KLF8: variants seen among roughly 807,000 people sequenced by gnomAD.
The protein encoded by KLF8 is Krueppel-like factor 8.
In KLF8, 10 loss-of-function variants were observed where a neutral mutation model predicts 18.2. The observed-to-expected ratio is 0.55, with a 90% CI of 0.34 to 0.93. The LOEUF is 0.93. Ranked by LOEUF, KLF8 falls within the 40% of genes least tolerant of loss-of-function variation. The pLI is 0.02. For synonymous variants in KLF8, 109 were observed against 97.3 expected (o/e 1.12, Z -0.71); for missense variants, 264 against 277.9 (o/e 0.95, Z 0.36).
At chrX:56,159,529 G>C in the KLF8 span, among the ~76,000 whole-genome samples, 3 of 110,168 alleles carry the variant, frequency 2.7e-5, no homozygotes, top group Non-Finnish European at 5.7e-5. Context: ...GACTTTTTTT[G>C]GTTGGTAAGC....
chrX:56,009,693 C>G, the KLF8 span, among the ~76,000 whole-genome samples: 2 of 111,289 alleles, frequency 1.8e-5, no homozygotes, highest in Non-Finnish European at 3.8e-5. Flanking sequence ...TAACCCAATG[C>G]CAAGAATCAA....
At chrX:56,050,152 C>A in the KLF8 span, among the ~76,000 whole-genome samples, 2 of 110,321 alleles carry the variant, frequency 1.8e-5, no homozygotes, top group African/African-American at 6.6e-5. Context: ...TTTGATTCTT[C>A]TCTCTTTTCT....
At chrX:55,992,918 G>C in the KLF8 span, among the ~76,000 whole-genome samples, 1 of 111,439 alleles carries the variant, frequency 9.0e-6, no homozygotes, top group Non-Finnish European at 1.9e-5. Flanking sequence ...TTGGTGTATA[G>C]AAATGCTACT....
At chrX:56,138,677 A>G in the KLF8 span, among the ~76,000 whole-genome samples, 1 of 111,529 alleles carries the variant, frequency 9.0e-6, no homozygotes, top group Non-Finnish European at 1.9e-5. Flanking sequence ...CAAAAAAATA[A>G]GAGCCATCTC....
At chrX:56,107,174 C>T in the KLF8 span, among the ~76,000 whole-genome samples, 12 of 111,923 alleles carry the variant, frequency 1.1e-4, no homozygotes, top group Non-Finnish European at 1.7e-4. Flanking sequence ...ACACAGGGGT[C>T]GGGGACCCAC....
chrX:56,202,559 T>TCCTCCCCCCCCCCCCCCCC, the KLF8 span, among the ~76,000 whole-genome samples: 1 of 75,804 alleles, frequency 1.3e-5, no homozygotes. Context: ...CCATTAACCT[T>TCCTCCCCCCCCCCCCCCCC]CCCCCCCCCT....
chrX:56,078,008 C>A, the KLF8 span, among the ~76,000 whole-genome samples: 2 of 109,698 alleles, frequency 1.8e-5, no homozygotes, highest in Middle Eastern at 9.3e-3. Context: ...TGAGACTTTG[C>A]TGAAGTTGCT....
the KLF8 span, among the ~76,000 whole-genome samples, chrX:56,126,344 A>G: frequency 8.9e-6 from 1 of 112,136 alleles, no homozygotes; most frequent in African/African-American, 3.2e-5. Context: ...CCTCCAGTCT[A>G]CCATTCCTGA....
At chrX:56,182,810 T>C in the KLF8 span, among the ~76,000 whole-genome samples, 1 of 112,585 alleles carries the variant, frequency 8.9e-6, no homozygotes, top group African/African-American at 3.2e-5. Context: ...CAAATGTTGC[T>C]GCCTGTTCCT....
At chrX:56,157,349 C>T in the KLF8 span, among the ~76,000 whole-genome samples, 1 of 109,625 alleles carries the variant, frequency 9.1e-6, no homozygotes, top group Non-Finnish European at 1.9e-5. Flanking sequence ...CAAACCTTCA[C>T]TTTGTGTACA....
At position 56,286,118 on chromosome X, in the gene KLF8, C is replaced by T. The variant is rs1442361305; in HGVS notation, c.*1624C>T. The T allele has an allele frequency of 9.0e-6, 1 of 110,778 alleles. No individual in the cohort carries two copies. Among genetic ancestry groups the T allele is most frequent in the Non-Finnish European group, 1.9e-5 (1 of 52,994 alleles). 9.1% of individuals were successfully genotyped at this position (110,778 alleles called of 1,213,427 possible). A position where few individuals can be genotyped will look rare whatever the true frequency, so the allele number is the denominator to read the frequency against. On this transcript the variant is annotated 3_prime_UTR_variant, in exon 6 of 6. Transcript: ENST00000468660. ...CCAGATGTTTCTTTGAGCCCTTATA[C>T]ACCTGCACGCTTATTCTCCTGGGGA...
the KLF8 span, among the ~76,000 whole-genome samples, chrX:55,949,333 CTGTGTGTG>C: frequency 2.7e-3 from 234 of 88,188 alleles, no homozygotes; most frequent in African/African-American, 4.6e-3. Flanking sequence ...TTTTCATATG[CTGTGTGTG>C]TGTGTGTGTG....
chrX:56,122,323 C>G, the KLF8 span, among the ~76,000 whole-genome samples: 1 of 111,994 alleles, frequency 8.9e-6, no homozygotes, highest in Non-Finnish European at 1.9e-5. Flanking sequence ...TACTTATCAG[C>G]TGAGTATCTT....
chrX:56,029,422 C>T, the KLF8 span, among the ~76,000 whole-genome samples: 11 of 111,250 alleles, frequency 9.9e-5, no homozygotes, highest in Admixed American at 5.7e-4. Flanking sequence ...AGCAGGTCCA[C>T]GGTAGGTAGA....
At chrX:56,197,002 A>AC in the KLF8 span, among the ~76,000 whole-genome samples, 1 of 112,150 alleles carries the variant, frequency 8.9e-6, no homozygotes, top group African/African-American at 3.2e-5. Flanking sequence ...ACTACTGGGT[A>AC]GTAACGAAAT....
In KLF8 at chrX:56,289,288, G is replaced by T. The variant is rs1247507272; in HGVS notation, c.*4794G>T. Among the ~76,000 whole-genome samples, 2 of 110,252 alleles carry T rather than the reference G, an allele frequency of 1.8e-5. No homozygotes were observed. The highest frequency in any genetic ancestry group is 5.7e-4 in the East Asian group (2 of 3,521). Reference sequence around the variant, plus strand: ...TTTTTTTAGCACGTCCTTACTTTCTGCCACTGCAAGATCTTCCAGGCTCAT... The same window carrying T: ...TTTTTTTAGCACGTCCTTACTTTCTTCCACTGCAAGATCTTCCAGGCTCAT... On this transcript the variant is annotated 3_prime_UTR_variant, in exon 6 of 6. Transcript: ENST00000468660.
chrX:56,254,964 G>A (rs1383981966), intron 2 of KLF8, among the ~76,000 whole-genome samples: 1 of 111,877 alleles, frequency 8.9e-6, no homozygotes, highest in Non-Finnish European at 1.9e-5. Context: ...CCTCACCAGG[G>A]ACCTGCCCAC....
chrX:56,045,605 G>A, the KLF8 span, among the ~76,000 whole-genome samples: 50 of 111,211 alleles, frequency 4.5e-4, no homozygotes, highest in African/African-American at 1.3e-3. Flanking sequence ...TTTTGTTTTC[G>A]TAGATGTCTT....
At chrX:56,040,886 C>CTT in the KLF8 span, among the ~76,000 whole-genome samples, 25 of 30,230 alleles carry the variant, frequency 8.3e-4, 1 homozygote, top group African/African-American at 2.9e-3. Context: ...TGGTCTTGGG[C>CTT]TTTTTTTTTT....
Sources: gnomAD v4.1 joint callset for allele counts (sites outside exome capture counted in the v4.1 genomes callset) on GRCh38, gnomAD v4.1.1 for gene constraint, MANE v1.5 for transcripts, NCBI Gene and HGNC (gene_info 2026-07-23, HGNC 2026-07-21) for gene names.